The following ZFP91 variants were observed in gnomAD, a reference collection of about 807,000 sequenced individuals.
ZFP91 encodes the protein E3 ubiquitin-protein ligase ZFP91.
A neutral mutation model predicts 63.5 loss-of-function variants in ZFP91; 7 were observed. The observed-to-expected ratio is 0.11, with a 90% CI of 0.06 to 0.21. The LOEUF (loss-of-function observed/expected upper bound fraction) is 0.21. Among genes scored for constraint, ZFP91 ranks in the 10% least tolerant of loss-of-function variants. The probability of loss-of-function intolerance (pLI) is 1.00; values close to 1 mark genes in which losing one functional copy is unlikely to be tolerated. For synonymous variants in ZFP91, 330 were observed against 272.1 expected (o/e 1.21, Z -2.10); for missense variants, 628 against 736.6 (o/e 0.85, Z 1.71).
At chr11:58,584,591 G>A (rs998218137) in intron 1 of ZFP91, among the ~76,000 whole-genome samples, 1 of 151,996 alleles carries the variant, frequency 6.6e-6, no homozygotes, top group Admixed American at 6.6e-5. Flanking sequence ...CAGTTATGTA[G>A]CCACATGTGG....
chr11:58,592,956 CGA>C (rs979364743), intron 2 of ZFP91, among the ~76,000 whole-genome samples: 6 of 151,834 alleles, frequency 4.0e-5, no homozygotes, highest in African/African-American at 1.2e-4. Context: ...AGAGTGAGAG[CGA>C]GAGAGAGGGG....
chr11:58,584,622 C>G (rs1183402157), intron 1 of ZFP91, among the ~76,000 whole-genome samples: 3 of 152,010 alleles, frequency 2.0e-5, no homozygotes, highest in Non-Finnish European at 4.4e-5. Context: ...TTACATTAAT[C>G]AAAATTAAAA....
At chr11:58,612,384 C>T in intron 7 of ZFP91, 56 bp downstream of exon 7, 3 of 1,567,198 alleles carry the variant, frequency 1.9e-6, no homozygotes, top group South Asian at 1.1e-5. Context: ...AGGCACTTTA[C>T]TCACAAATTT....
chr11:58,583,301 A>G (rs753166975), intron 1 of ZFP91, among the ~76,000 whole-genome samples: 11 of 152,114 alleles, frequency 7.2e-5, no homozygotes, highest in Non-Finnish European at 1.5e-4. Flanking sequence ...TTGAGTAACC[A>G]TATTAGCTAA....
In ZFP91 at chr11:58,610,285, T is replaced by TTTG; in HGVS notation, c.581-10_581-8dup. Reference sequence around the variant, plus strand: ...ACACTAATAAAATTTTGTTTTTGGCTTTGTTTTTCTAGATGTTGGAGAAGA... The same window carrying TTTG: ...ACACTAATAAAATTTTGTTTTTGGCTTTGTTGTTTTTCTAGATGTTGGAGAAGA... On this transcript the variant is annotated splice_polypyrimidine_tract_variant and intron_variant, in intron 3 of 10. Transcript: ENST00000316059. 6.3e-7 allele frequency: 1 copy of TTTG among 1,590,330 alleles called. No individual in the cohort carries two copies. The highest frequency in any genetic ancestry group is 8.5e-7 in the Non-Finnish European group (1 of 1,173,146).
intron 2 of ZFP91, among the ~76,000 whole-genome samples, chr11:58,592,143 C>T (rs7481388): frequency 0.2 from 29,055 of 142,568 alleles, 2,991 homozygotes; most frequent in African/African-American, 0.26. Context: ...AGTGCAGTGA[C>T]GTGATATCGG....
chr11:58,608,634 T>C (rs1855606963), intron 2 of ZFP91, among the ~76,000 whole-genome samples: 1 of 152,208 alleles, frequency 6.6e-6, no homozygotes, highest in Non-Finnish European at 1.5e-5. Flanking sequence ...GAATGGAGTC[T>C]TGCTCTTTCG....
intron 6 of ZFP91, 86 bp from the exon 7 acceptor site, chr11:58,612,190 CGT>C (rs139680226): frequency 0.029 from 30,817 of 1,065,632 alleles, 4 homozygotes; most frequent in East Asian, 0.046. Flanking sequence ...GTTCTTTGGC[CGT>C]GTGTGTGTGT....
intron 2 of ZFP91, among the ~76,000 whole-genome samples, chr11:58,594,051 T>G (rs1211021414): frequency 2.0e-5 from 3 of 152,188 alleles, no homozygotes; most frequent in African/African-American, 7.2e-5. Flanking sequence ...CCTACCTAGC[T>G]CATTGTCTAG....
intron 2 of ZFP91, among the ~76,000 whole-genome samples, chr11:58,593,892 C>T (rs926935426): frequency 3.9e-5 from 6 of 152,202 alleles, no homozygotes; most frequent in Non-Finnish European, 7.3e-5. Context: ...AAGTTATTCT[C>T]TAGTCCTGTC....
rs1376713365 is a variant in ZFP91 at position 58,611,706 on chromosome 11, T to C, written c.825T>C (p.Asn275=). 1.2e-6 allele frequency: 2 copies of C among 1,611,246 alleles called. No homozygotes were observed. The highest frequency in any genetic ancestry group is 1.3e-5 in the African/African-American group (1 of 74,588). The part of the protein sequence containing the change: ...EVEVEVKEEE[N]EIREDEEPPR... ...AGGTGGAGGTGAAAGAAGAGGAGAA[T>C]GAAATTAGAGAGGATGAGGAACCTC... Residue 275 remains asparagine, a synonymous_variant, in exon 6 of 11, where the codon AAT becomes AAC. Coordinates refer to ENST00000316059, the MANE Select transcript of ZFP91 (RefSeq NM_053023.5).
intron 2 of ZFP91, among the ~76,000 whole-genome samples, chr11:58,600,324 C>G (rs560945000): frequency 6.6e-6 from 1 of 151,768 alleles, no homozygotes; most frequent in Non-Finnish European, 1.5e-5. Flanking sequence ...CCTTTTTATT[C>G]TATTGTAAAG....
At chr11:58,598,603 T>C (rs1317713151) in intron 2 of ZFP91, among the ~76,000 whole-genome samples, 2 of 152,112 alleles carry the variant, frequency 1.3e-5, no homozygotes, top group East Asian at 1.9e-4. Flanking sequence ...GCTGCTATTA[T>C]AAGAAACAAC....
At chr11:58,579,657 C>T (rs1037879450) in intron 1 of ZFP91, 35 bp downstream of exon 1, 16 of 1,498,584 alleles carry the variant, frequency 1.1e-5, no homozygotes, top group Middle Eastern at 2.0e-4. Flanking sequence ...GGGAAAGACC[C>T]CCCTCTGTCC....
intron 2 of ZFP91, among the ~76,000 whole-genome samples, chr11:58,606,561 T>A (rs1205873768): frequency 2.0e-5 from 3 of 152,202 alleles, no homozygotes; most frequent in Non-Finnish European, 4.4e-5. Context: ...TGGGGCATAT[T>A]GTATGATATG....
Position 58,617,881 on chromosome 11 carries a change from C to A in ZFP91, c.*175C>A. The A allele has an allele frequency of 1.3e-6, 1 of 788,538 alleles. No homozygotes were observed. The highest frequency in any genetic ancestry group is 1.7e-6 in the Non-Finnish European group (1 of 575,442). 48.8% of individuals were successfully genotyped at this position (788,538 alleles called of 1,614,324 possible). ...ACCCTCCACCTCCCCATCCCCTGTT[C>A]TCCCTCTGTTGCTCCCCTTATAAAA... is the stretch of plus-strand genomic sequence containing the variant. On this transcript the variant is annotated 3_prime_UTR_variant, in exon 11 of 11. Transcript: ENST00000316059. The surrounding 1 kb of genome is among the most constrained non-coding windows in gnomAD (Gnocchi z 4.2).
intron 2 of ZFP91, among the ~76,000 whole-genome samples, chr11:58,602,219 G>A (rs1855501822): frequency 6.6e-6 from 1 of 152,104 alleles, no homozygotes; most frequent in Non-Finnish European, 1.5e-5. Context: ...CACTGCGCCT[G>A]GCCCAATATG....
chr11:58,608,008 G>A (rs571885457), intron 2 of ZFP91, among the ~76,000 whole-genome samples: 46 of 151,870 alleles, frequency 3.0e-4, no homozygotes, highest in Non-Finnish European at 6.2e-4. Flanking sequence ...TACCTTGGAA[G>A]TAACCAGTAC....
At chr11:58,602,582 T>C (rs1855508595) in intron 2 of ZFP91, among the ~76,000 whole-genome samples, 1 of 152,224 alleles carries the variant, frequency 6.6e-6, no homozygotes, top group Non-Finnish European at 1.5e-5. Flanking sequence ...GAAGTGCATT[T>C]TGCCTGATAT....
Sources: gnomAD v4.1 joint callset for allele counts (sites outside exome capture counted in the v4.1 genomes callset) on GRCh38, gnomAD v4.1.1 for gene constraint, Gnocchi (gnomAD v3.1) non-coding constraint, MANE v1.5 for transcripts, NCBI Gene and HGNC (gene_info 2026-07-23, HGNC 2026-07-21) for gene names.